TRPM3: variants seen among roughly 807,000 people sequenced by gnomAD.
TRPM3 encodes long transient receptor potential channel 3.
A neutral mutation model predicts 181.2 loss-of-function variants in TRPM3; 77 were observed. The observed-to-expected ratio is 0.42, with a 90% CI of 0.35 to 0.51. The LOEUF (loss-of-function observed/expected upper bound fraction) is 0.51, where lower values mean the gene tolerates loss of function less well. TRPM3 is among the 20% of genes least tolerant of loss of function. The probability of loss-of-function intolerance (pLI) is 0.01; values close to 1 mark genes in which losing one functional copy is unlikely to be tolerated. For missense variants in TRPM3, 1,759 were observed against 2,196.7 expected (o/e 0.80, Z 3.98); for synonymous variants, 745 against 796.4 (o/e 0.94, Z 1.09).
At chr9:70,769,141 G>C (rs1294128977) in intron 7 of TRPM3, among the ~76,000 whole-genome samples, 2 of 152,136 alleles carry the variant, frequency 1.3e-5, no homozygotes, top group Admixed American at 6.6e-5. Context: ...CCCTGCAATA[G>C]CTTTCCATCA....
chr9:70,917,562 A>ATTTTTTTTTTTTTTTTT, intron 1 of TRPM3: 2 of 612,858 alleles, frequency 3.3e-6, no homozygotes, highest in Non-Finnish European at 6.0e-6. Context: ...AACAGTGTTA[A>ATTTTTTTTTTTTTTTTT]GTTGTTATAT....
chr9:70,897,083 T>C (rs1411234141), intron 1 of TRPM3, among the ~76,000 whole-genome samples: 1 of 145,602 alleles, frequency 6.9e-6, no homozygotes, highest in Non-Finnish European at 1.5e-5. Context: ...TATCATTTCT[T>C]TGTGTTGAGA....
At chr9:70,667,654 T>C (rs748624007) in intron 9 of TRPM3, among the ~76,000 whole-genome samples, 10 of 152,216 alleles carry the variant, frequency 6.6e-5, no homozygotes, top group Non-Finnish European at 1.5e-4. Flanking sequence ...ATAAATCTTT[T>C]ATATTTTCTC....
intron 1 of TRPM3, among the ~76,000 whole-genome samples, chr9:70,965,821 C>T (rs1282410079): frequency 1.3e-5 from 2 of 151,764 alleles, no homozygotes; most frequent in African/African-American, 4.8e-5. Flanking sequence ...GGGTTGCGGA[C>T]AAGTCTGTCC....
chr9:70,657,924 G>A (rs2060593414), intron 9 of TRPM3, among the ~76,000 whole-genome samples: 1 of 152,086 alleles, frequency 6.6e-6, no homozygotes, highest in African/African-American at 2.4e-5. Context: ...CCAATTTTGA[G>A]AGAGAAAATA....
chr9:71,418,121 T>G (rs2093665671), intron 1 of TRPM3, among the ~76,000 whole-genome samples: 1 of 151,890 alleles, frequency 6.6e-6, no homozygotes, highest in Non-Finnish European at 1.5e-5. Flanking sequence ...ATAATAATAG[T>G]CAGCAGCATG....
intron 7 of TRPM3, among the ~76,000 whole-genome samples, chr9:70,769,514 C>CT (rs77527097): frequency 0.15 from 23,226 of 152,038 alleles, 2,351 homozygotes; most frequent in East Asian, 0.39. Flanking sequence ...AGTTGTAAGA[C>CT]TATTAAGCTT....
At chr9:70,634,738 G>A (rs1266816795) in intron 12 of TRPM3, among the ~76,000 whole-genome samples, 2 of 152,144 alleles carry the variant, frequency 1.3e-5, no homozygotes, top group African/African-American at 4.8e-5. Flanking sequence ...AATGTTAGAA[G>A]AATGGAATGC....
chr9:70,968,606 A>G (rs145003940), intron 1 of TRPM3, among the ~76,000 whole-genome samples: 344 of 152,294 alleles, frequency 2.3e-3, no homozygotes, highest in Non-Finnish European at 4.3e-3. Flanking sequence ...CAAATATTAA[A>G]TACTGTCTGT....
In TRPM3 at chr9:70,632,193, C is replaced by G. The variant is rs2065978292; in HGVS notation, c.1632+3018G>C. On this transcript the variant is annotated intron_variant, in intron 12 of 25. Coordinates refer to ENST00000677713, the MANE Select transcript of TRPM3 (RefSeq NM_001366145.2). The stretch of plus-strand genomic sequence containing the variant: ...TAGCATTTTAACTCTAGTTTTGTAG[C>G]CTTTGATTATCCTATTGGCCTAAAT... 3.3e-5 allele frequency among the ~76,000 whole-genome samples: 5 copies of G among 152,210 alleles called. No individual in the cohort carries two copies. The South Asian group carries it at 1.0e-3, about 32-fold the overall frequency.
intron 1 of TRPM3, among the ~76,000 whole-genome samples, chr9:71,098,599 C>T (rs35477570): frequency 1.3e-5 from 2 of 152,136 alleles, no homozygotes; most frequent in African/African-American, 2.4e-5. Context: ...CTTAGCCTCG[C>T]TAGACCTAAG....
chr9:70,956,902 A>C (rs1295030322), intron 1 of TRPM3, among the ~76,000 whole-genome samples: 1 of 151,556 alleles, frequency 6.6e-6, no homozygotes, highest in Non-Finnish European at 1.5e-5. Context: ...CAAAAAAAAA[A>C]TTTCTTCTAA....
intron 22 of TRPM3, among the ~76,000 whole-genome samples, chr9:70,563,702 A>G (rs2049755616): frequency 6.6e-6 from 1 of 152,164 alleles, no homozygotes; most frequent in African/African-American, 2.4e-5. Context: ...TGAGAGAGGG[A>G]TGGTGGAGGA....
intron 1 of TRPM3, among the ~76,000 whole-genome samples, chr9:71,142,181 A>T (rs1298254776): frequency 2.0e-5 from 3 of 152,148 alleles, no homozygotes; most frequent in Admixed American, 6.6e-5. Flanking sequence ...TAAACTTCAA[A>T]CTATCAAGAT....
At chr9:71,394,979 G>A (rs1399341034) in intron 1 of TRPM3, among the ~76,000 whole-genome samples, 2 of 152,128 alleles carry the variant, frequency 1.3e-5, no homozygotes, top group Non-Finnish European at 2.9e-5. Context: ...GACCTATGCG[G>A]GGTGTTTTGA....
At position 70,534,168 on chromosome 9, in the gene TRPM3, C is replaced by A. The variant is rs909358753; in HGVS notation, c.*1785G>T. 4 of 152,126 alleles carry A rather than the reference C, an allele frequency of 2.6e-5. No homozygotes were observed. The highest frequency in any genetic ancestry group is 4.4e-5 in the Non-Finnish European group (3 of 68,030). 9.4% of individuals were successfully genotyped at this position (152,126 alleles called of 1,614,324 possible). On this transcript the variant is annotated 3_prime_UTR_variant, in exon 26 of 26. Transcript: ENST00000677713. ...TATGCCTCTACTTTAGAGTCTGTAA[C>A]ACTAGCTGGTTTAAAGTTGCGTGTC...
At chr9:71,101,725 C>T (rs1158731703) in intron 1 of TRPM3, among the ~76,000 whole-genome samples, 1 of 152,142 alleles carries the variant, frequency 6.6e-6, no homozygotes, top group African/African-American at 2.4e-5. Context: ...GGCCTTCTGA[C>T]CCAGTTTAGT....
chr9:70,837,669 T>C (rs563611549), intron 5 of TRPM3, among the ~76,000 whole-genome samples: 3 of 152,354 alleles, frequency 2.0e-5, no homozygotes, highest in Middle Eastern at 3.4e-3. Context: ...CTGTGTCATA[T>C]GAAAATTATA....
intron 1 of TRPM3, among the ~76,000 whole-genome samples, chr9:71,034,853 ATATATATG>A (rs2057998879): frequency 6.6e-6 from 1 of 151,918 alleles, no homozygotes. Context: ...ATGTATGTCC[ATATATATG>A]TATATATGTA....
Sources: allele counts gnomAD v4.1 joint callset (sites outside exome capture counted in the v4.1 genomes callset), GRCh38; gene constraint gnomAD v4.1.1; transcripts MANE v1.5; gene names NCBI Gene and HGNC (gene_info 2026-07-23, HGNC 2026-07-21).